Variants in SRGAP3 observed in about 807,000 individuals in gnomAD.
The protein encoded by SRGAP3 is SLIT-ROBO Rho GTPase-activating protein 3.
In SRGAP3, 39 loss-of-function variants were observed where a neutral mutation model predicts 121.1. That is an observed-to-expected ratio of 0.32 (90% CI 0.25 to 0.42). SRGAP3 has a LOEUF of 0.42. SRGAP3 is among the 10% of genes least tolerant of loss of function. The pLI is 1.00. For synonymous variants in SRGAP3, 601 were observed against 570.0 expected, an observed-to-expected ratio of 1.05 and a Z score of -0.77; for missense variants, 1,213 against 1,470.6, an observed-to-expected ratio of 0.82 and a Z score of 2.86.
At chr3:9,207,434 A>T (rs1326525649) in intron 1 of SRGAP3, among the ~76,000 whole-genome samples, 1 of 152,168 alleles carries the variant, frequency 6.6e-6, no homozygotes, top group African/African-American at 2.4e-5. Context: ...TTAGCTGCAA[A>T]ATCAAGCAAG....
intron 1 of SRGAP3, among the ~76,000 whole-genome samples, chr3:9,136,401 C>T (rs866483086): frequency 2.4e-4 from 31 of 127,616 alleles, no homozygotes; most frequent in African/African-American, 6.5e-4. Context: ...GGGACCCCCC[C>T]CCCCCCCGAC....
At chr3:9,147,156 A>C (rs969519123) in intron 1 of SRGAP3, among the ~76,000 whole-genome samples, 5 of 152,216 alleles carry the variant, frequency 3.3e-5, no homozygotes, top group African/African-American at 1.2e-4. Flanking sequence ...TAACTTGCCC[A>C]AGGACACACC....
Position 9,013,770 on chromosome 3 carries a change from A to G in SRGAP3, c.1886T>C (p.Val629Ala), listed in dbSNP as rs771432851. Residue 629 changes from valine (V) to alanine (A), a missense_variant, in exon 16 of 22, where the codon GTG (valine) becomes GCG (alanine). By Grantham distance (64) the Val-to-Ala change is moderately conservative (BLOSUM62 0). Coordinates refer to ENST00000383836, the MANE Select transcript of SRGAP3 (RefSeq NM_014850.4). ...ILVTLPRVVI[V>A]VMRYLFAFLN... is the part of the protein sequence containing the mutation. Reference sequence around the variant, plus strand: ...GAAAGCGAAGAGGTATCTCATGACCACAATGACCACGCGGGGAAGGGTGAC... The same window carrying G: ...GAAAGCGAAGAGGTATCTCATGACCGCAATGACCACGCGGGGAAGGGTGAC... 4.4e-5 allele frequency: 71 copies of G among 1,614,088 alleles called. No homozygotes were observed. Among genetic ancestry groups the G allele is most frequent in the Non-Finnish European group, 5.9e-5 (70 of 1,180,032 alleles).
chr3:9,211,019 T>C (rs941708468), intron 1 of SRGAP3, among the ~76,000 whole-genome samples: 9 of 152,314 alleles, frequency 5.9e-5, no homozygotes, highest in African/African-American at 2.2e-4. Flanking sequence ...CAATGTTCTC[T>C]CCAGAAGATA....
chr3:9,126,719 A>G (rs1208839970), intron 1 of SRGAP3, among the ~76,000 whole-genome samples: 1 of 152,042 alleles, frequency 6.6e-6, no homozygotes, highest in Non-Finnish European at 1.5e-5. Context: ...GGACCTAAAT[A>G]ATGTGTGCAC....
intron 2 of SRGAP3, among the ~76,000 whole-genome samples, chr3:9,329,454 G>A (rs1955569457): frequency 6.6e-6 from 1 of 152,142 alleles, no homozygotes; most frequent in Non-Finnish European, 1.5e-5. Context: ...ACAGACATTA[G>A]CTACTCTGCT....
At chr3:9,016,985 G>A (rs1361732700) in intron 14 of SRGAP3, among the ~76,000 whole-genome samples, 2 of 152,076 alleles carry the variant, frequency 1.3e-5, no homozygotes, top group African/African-American at 4.8e-5. Context: ...ACTTTCTTGT[G>A]TCCTTTTAAT....
At chr3:9,103,869 G>A (rs545578250) in intron 3 of SRGAP3, among the ~76,000 whole-genome samples, 5 of 152,288 alleles carry the variant, frequency 3.3e-5, no homozygotes, top group Admixed American at 3.3e-4. Flanking sequence ...CTCAGCTTCT[G>A]GATGTTTATA....
At chr3:8,998,061 T>C (rs1159063912) in intron 18 of SRGAP3, among the ~76,000 whole-genome samples, 5 of 152,086 alleles carry the variant, frequency 3.3e-5, no homozygotes, top group South Asian at 2.1e-4. Context: ...TTTTAAGTTT[T>C]TGTAGCAACG....
At chr3:9,355,373 G>A (rs911093580) in intron 1 of SRGAP3, among the ~76,000 whole-genome samples, 30 of 152,264 alleles carry the variant, frequency 2.0e-4, no homozygotes, top group African/African-American at 6.3e-4. Flanking sequence ...CTGTTTGTTC[G>A]TTTGTTTTGG....
At chr3:8,992,874 C>T (rs511815) in intron 20 of SRGAP3, 32 bp downstream of exon 20, 921,958 of 1,613,644 alleles carry the variant, frequency 0.57, 270,675 homozygotes, top group African/African-American at 0.91. Flanking sequence ...GGATTGACAC[C>T]AGCAGGGAAA....
intron 3 of SRGAP3, among the ~76,000 whole-genome samples, chr3:9,295,492 C>G (rs1954937445): frequency 6.6e-6 from 1 of 152,150 alleles, no homozygotes; most frequent in Non-Finnish European, 1.5e-5. Flanking sequence ...GTGGATTAAC[C>G]ACACACATTT....
intron 1 of SRGAP3, among the ~76,000 whole-genome samples, chr3:9,334,269 A>T (rs968473659): frequency 6.6e-6 from 1 of 152,168 alleles, no homozygotes; most frequent in Admixed American, 6.5e-5. Context: ...TTCAATTTCA[A>T]TGGTATTCAA....
At chr3:9,141,154 G>A (rs913883403) in intron 1 of SRGAP3, among the ~76,000 whole-genome samples, 1 of 152,118 alleles carries the variant, frequency 6.6e-6, no homozygotes, top group African/African-American at 2.4e-5. Flanking sequence ...TTCAAACCCA[G>A]AGCAGGCCAG....
At chr3:9,169,988 A>C (rs984422881) in intron 1 of SRGAP3, among the ~76,000 whole-genome samples, 2 of 152,168 alleles carry the variant, frequency 1.3e-5, no homozygotes, top group Admixed American at 6.5e-5. Flanking sequence ...GAGACAGTAC[A>C]CCTAACTGCT....
intron 12 of SRGAP3, among the ~76,000 whole-genome samples, chr3:9,030,452 A>T (rs796491587): frequency 6.6e-6 from 1 of 152,180 alleles, no homozygotes; most frequent in African/African-American, 2.4e-5. Flanking sequence ...CAAGGTGTCC[A>T]TTTGAATACA....
At chr3:9,051,310 C>G (rs1382603706) in intron 9 of SRGAP3, among the ~76,000 whole-genome samples, 1 of 152,160 alleles carries the variant, frequency 6.6e-6, no homozygotes, top group African/African-American at 2.4e-5. Flanking sequence ...GCACCTGGCC[C>G]TAGCTGCATA....
chr3:9,300,112 G>C (rs1005045034), intron 3 of SRGAP3, among the ~76,000 whole-genome samples: 2 of 31,440 alleles, frequency 6.4e-5, no homozygotes, highest in Non-Finnish European at 1.3e-4. Flanking sequence ...ACAATGTCTG[G>C]CATACGCTAA....
Position 8,981,547 on chromosome 3 carries a change from G to A in SRGAP3, c.*3972C>T, listed in dbSNP as rs112067097. 8,865 of 232,838 alleles carry A rather than the reference G, an allele frequency of 0.038. 206 individuals are homozygous for A. Among genetic ancestry groups the A allele is most frequent in the Middle Eastern group, 0.054 (42 of 780 alleles). 14.4% of individuals were successfully genotyped at this position (232,838 alleles called of 1,614,324 possible). A position where few individuals can be genotyped will look rare whatever the true frequency, so the allele number is the denominator to read the frequency against. On this transcript the variant is annotated 3_prime_UTR_variant, in exon 22 of 22. Transcript: ENST00000383836. ...GGACATGCACTGAATGCCACATCACGACCAGGTCACGAGAAGTCCTCCACA... is the reference window on the plus strand; with the variant it reads ...GGACATGCACTGAATGCCACATCACAACCAGGTCACGAGAAGTCCTCCACA...
Sources: allele counts gnomAD v4.1 joint callset (sites outside exome capture counted in the v4.1 genomes callset), GRCh38; gene constraint gnomAD v4.1.1; transcripts MANE v1.5; gene names NCBI Gene and HGNC (gene_info 2026-07-23, HGNC 2026-07-21).